The following AP2B1 variants were observed in gnomAD, a reference collection of about 807,000 sequenced individuals.
AP2B1 encodes the protein adaptor related protein complex 2 subunit beta 1, also known as AP-2 complex subunit beta.
Under a neutral mutation model 102.0 loss-of-function variants are expected in AP2B1, and 23 were observed. That is an observed-to-expected ratio of 0.23 (90% CI 0.16 to 0.32). The LOEUF (loss-of-function observed/expected upper bound fraction) is 0.32. AP2B1 is among the 10% of genes least tolerant of loss of function. The probability of loss-of-function intolerance (pLI) is 1.00; values close to 1 mark genes in which losing one functional copy is unlikely to be tolerated. For missense variants in AP2B1, 541 were observed against 1,157.4 expected, an observed-to-expected ratio of 0.47 and a Z score of 7.73; for synonymous variants, 381 against 421.2, an observed-to-expected ratio of 0.90 and a Z score of 1.17.
At chr17:35,599,561 G>A (rs1002384129) in intron 3 of AP2B1, among the ~76,000 whole-genome samples, 1 of 152,124 alleles carries the variant, frequency 6.6e-6, no homozygotes, top group African/African-American at 2.4e-5. Flanking sequence ...CAAATGACCA[G>A]AGCATATGTA....
chr17:35,624,374 G>T, intron 5 of AP2B1, 23 bp from the exon 6 acceptor site: 1 of 1,612,082 alleles, frequency 6.2e-7, no homozygotes, highest in Non-Finnish European at 8.5e-7. Context: ...GGTGAATCAA[G>T]GTCATACCCC....
At chr17:35,658,273 C>T (rs1196901079) in intron 14 of AP2B1, among the ~76,000 whole-genome samples, 6 of 80,746 alleles carry the variant, frequency 7.4e-5, no homozygotes, top group South Asian at 3.6e-4. Context: ...CTTTTTTTTT[C>T]TTCTTCTTCT....
At chr17:35,720,299 A>G (rs1285825753) in intron 21 of AP2B1, among the ~76,000 whole-genome samples, 1 of 151,976 alleles carries the variant, frequency 6.6e-6, no homozygotes, top group East Asian at 1.9e-4. Flanking sequence ...ACATTAACCC[A>G]TACATAAACT....
intron 14 of AP2B1, among the ~76,000 whole-genome samples, chr17:35,661,843 C>G (rs2075364878): frequency 6.6e-6 from 1 of 152,152 alleles, no homozygotes; most frequent in Non-Finnish European, 1.5e-5. Context: ...TAAAATTCGG[C>G]CAGCGTTAAG....
chr17:35,704,998 T>C (rs1308029564), intron 18 of AP2B1, among the ~76,000 whole-genome samples: 5 of 152,128 alleles, frequency 3.3e-5, no homozygotes, highest in Non-Finnish European at 7.4e-5. Flanking sequence ...GCCATTGCAC[T>C]CCAGCTTGGG....
chr17:35,616,142 CTTTTTTTTTTTTTTTTTTTTTTTTTTTT>C (rs71152739), intron 5 of AP2B1, among the ~76,000 whole-genome samples: 5 of 57,436 alleles, frequency 8.7e-5, no homozygotes, highest in South Asian at 8.1e-4. Flanking sequence ...AAAAATATCT[CTTTTTTTTTTTTTTTTTTTTTTTTTTTT>C]TTTTTTTTTT....
At chr17:35,681,199 T>C (rs899412539) in intron 17 of AP2B1, among the ~76,000 whole-genome samples, 5 of 152,194 alleles carry the variant, frequency 3.3e-5, no homozygotes. Context: ...GCTCTACAAC[T>C]TATCCTAATT....
intron 18 of AP2B1, among the ~76,000 whole-genome samples, chr17:35,685,328 T>G (rs2075909020): frequency 1.3e-5 from 2 of 152,222 alleles, no homozygotes; most frequent in South Asian, 4.1e-4. Flanking sequence ...TGTAGGGTAC[T>G]TTAGATTTCA....
intron 18 of AP2B1, among the ~76,000 whole-genome samples, chr17:35,688,993 T>G (rs915827994): frequency 6.6e-6 from 1 of 152,100 alleles, no homozygotes; most frequent in Admixed American, 6.6e-5. Context: ...AAAACACTTT[T>G]TTATGAAACA....
chr17:35,695,717 A>G (rs2076129032), intron 18 of AP2B1, among the ~76,000 whole-genome samples: 1 of 152,176 alleles, frequency 6.6e-6, no homozygotes, highest in Admixed American at 6.5e-5. Flanking sequence ...TTCAGTTGCC[A>G]GAAACAGCCA....
chr17:35,643,384 C>A (rs1211983977), intron 12 of AP2B1, among the ~76,000 whole-genome samples: 2 of 152,110 alleles, frequency 1.3e-5, no homozygotes, highest in Non-Finnish European at 2.9e-5. Flanking sequence ...AATATTCAAG[C>A]AAGTATGTTT....
At chr17:35,594,821 G>A (rs2073212178) in intron 2 of AP2B1, among the ~76,000 whole-genome samples, 1 of 152,138 alleles carries the variant, frequency 6.6e-6, no homozygotes, top group Non-Finnish European at 1.5e-5. Flanking sequence ...TTGGGTCTAG[G>A]AACAAAGGAT....
intron 18 of AP2B1, among the ~76,000 whole-genome samples, chr17:35,693,467 G>A (rs587598186): frequency 6.8e-4 from 103 of 152,104 alleles, no homozygotes; most frequent in African/African-American, 2.3e-3. Flanking sequence ...AACATACTCC[G>A]TCTGAATTTA....
intron 5 of AP2B1, among the ~76,000 whole-genome samples, chr17:35,616,349 G>T (rs1204788030): frequency 2.0e-5 from 3 of 151,346 alleles, no homozygotes; most frequent in African/African-American, 7.3e-5. Context: ...TGTATTTTTA[G>T]TAGAGACGGG....
intron 6 of AP2B1, among the ~76,000 whole-genome samples, chr17:35,625,209 A>G (rs1243475567): frequency 2.0e-5 from 3 of 152,220 alleles, no homozygotes; most frequent in Non-Finnish European, 4.4e-5. Flanking sequence ...ATTTTTATTG[A>G]GCATTTTGTA....
chr17:35,629,414 T>G (rs2074403119), intron 9 of AP2B1, among the ~76,000 whole-genome samples: 1 of 152,178 alleles, frequency 6.6e-6, no homozygotes, highest in Non-Finnish European at 1.5e-5. Context: ...TCTGACTGAT[T>G]GCTTTTCTGG....
chr17:35,652,776 G>GA (rs2075119876), intron 13 of AP2B1, among the ~76,000 whole-genome samples: 1 of 151,998 alleles, frequency 6.6e-6, no homozygotes, highest in Admixed American at 6.6e-5. Context: ...TTAGAGTGAA[G>GA]AAAAATATGT....
At chr17:35,645,769 A>T (rs568534591) in intron 12 of AP2B1, among the ~76,000 whole-genome samples, 5 of 152,318 alleles carry the variant, frequency 3.3e-5, no homozygotes, top group African/African-American at 1.2e-4. Context: ...GAATCACTTG[A>T]ACCCGGGAGG....
chr17:35,628,618 CA>C (rs145645646), intron 9 of AP2B1, among the ~76,000 whole-genome samples: 2,598 of 151,884 alleles, frequency 0.017, 77 homozygotes, highest in African/African-American at 0.06. Flanking sequence ...GACGCTGTCT[CA>C]AAAAAAGAAC....
Sources: gnomAD v4.1 joint callset for allele counts (sites outside exome capture counted in the v4.1 genomes callset) on GRCh38, gnomAD v4.1.1 for gene constraint, MANE v1.5 for transcripts, NCBI Gene and HGNC (gene_info 2026-07-23, HGNC 2026-07-21) for gene names.